The following NOMO3 variants were observed in gnomAD, a reference collection of about 807,000 sequenced individuals.
NOMO3 encodes the protein BOS complex subunit NOMO3.
NOMO3 carries 15 observed loss-of-function variants against 69.9 expected under a neutral mutation model. The ratio of observed to expected loss-of-function variants is 0.21; its 90% confidence interval spans 0.14 to 0.33. The LOEUF (loss-of-function observed/expected upper bound fraction) is 0.33, where lower values mean the gene tolerates loss of function less well. Ranked by LOEUF, NOMO3 falls within the 10% of genes least tolerant of loss-of-function variation. The pLI is 1.00. For missense variants in NOMO3, 218 were observed against 761.0 expected (o/e 0.29, Z 8.39); for synonymous variants, 89 against 301.9 (o/e 0.29, Z 7.31).
At chr16:16,266,304 C>T (rs1313941263) in intron 15 of NOMO3, among the ~76,000 whole-genome samples, 5 of 132,496 alleles carry the variant, frequency 3.8e-5, no homozygotes, top group South Asian at 2.5e-4. Flanking sequence ...GATTAATATC[C>T]GGTTCATAAT....
At chr16:16,237,360 G>A (rs2049335147) in intron 2 of NOMO3, among the ~76,000 whole-genome samples, 1 of 144,326 alleles carries the variant, frequency 6.9e-6, no homozygotes, top group African/African-American at 2.8e-5. Flanking sequence ...CATGGAACCC[G>A]TTACTTGCAA....
Position 16,263,069 on chromosome 16 carries a change from C to T in NOMO3, c.1396-5C>T, listed in dbSNP as rs1322793706. ...GCCTCTAACGTTCCATCCACGTTTC[C>T]GCAGGTGATGGTTCCTGAGGCAGAA... is the stretch of plus-strand genomic sequence containing the variant. On this transcript the variant is annotated splice_polypyrimidine_tract_variant and splice_region_variant and intron_variant, in intron 12 of 30. Transcript: ENST00000399336. 1.4e-5 allele frequency: 23 copies of T among 1,595,172 alleles called. No homozygotes were observed. Among genetic ancestry groups the T allele is most frequent in the African/African-American group, 1.5e-5 (1 of 65,298 alleles).
In NOMO3 at chr16:16,261,603, C is replaced by G; in HGVS notation, c.1322C>G (p.Ser441Cys). 6.3e-7 allele frequency: 1 copy of G among 1,584,122 alleles called. No homozygotes were observed. The highest frequency in any genetic ancestry group is 8.5e-7 in the Non-Finnish European group (1 of 1,174,738). Residue 441 changes from serine (S) to cysteine (C), a missense_variant, in exon 12 of 31, where the codon TCT (serine) becomes TGT (cysteine). Physicochemically the swap from Ser to Cys is moderately radical, Grantham distance 112 (BLOSUM62 -1). Transcript: ENST00000399336. ...CTGTCATCTCAAGACAAGGACAAGT[C>G]TTTGGTCACCGTGGAGACAGATGCT... ...VVLSSQDKDK[S>C]LVTVETDAHG...
At chr16:16,252,981 G>A (rs1241134565) in intron 9 of NOMO3, among the ~76,000 whole-genome samples, 1 of 134,728 alleles carries the variant, frequency 7.4e-6, no homozygotes, top group Non-Finnish European at 1.5e-5. Flanking sequence ...CCACAGGCAC[G>A]TGCCACCATG....
At chr16:16,254,922 G>A (rs1245510824) in intron 9 of NOMO3, among the ~76,000 whole-genome samples, 2 of 143,514 alleles carry the variant, frequency 1.4e-5, no homozygotes, top group African/African-American at 5.8e-5. Flanking sequence ...GGTCTAGGTG[G>A]ATTTCTTTTT....
rs1318035711 is a variant in NOMO3 at position 16,255,646 on chromosome 16, G to A, written c.964-74G>A. 7 of 1,280,494 alleles carry A rather than the reference G, an allele frequency of 5.5e-6. 2 individuals carry two copies. Among genetic ancestry groups the A allele is most frequent in the East Asian group, 5.5e-5 (2 of 36,120 alleles). The allele number at this position is 1,280,494 out of a possible 1,614,324, so 79.3% of individuals were successfully genotyped here. A position where few individuals can be genotyped will look rare whatever the true frequency, so the allele number is the denominator to read the frequency against. On this transcript the variant is annotated intron_variant, in intron 9 of 30. Transcript: ENST00000399336. ...GGAGCAGACATGGTAGGTGGTGGCC[G>A]GCGCAGCAGAAGGAGGCTTTGTGGC...
chr16:16,270,300 A>G, intron 17 of NOMO3, 116 bp downstream of exon 17: 8 of 1,557,090 alleles, frequency 5.1e-6, no homozygotes, highest in Non-Finnish European at 6.9e-6. Flanking sequence ...AGGCAAGGTT[A>G]GGCCTTCAAC....
chr16:16,243,838 T>C (rs992578607), intron 4 of NOMO3, among the ~76,000 whole-genome samples: 1 of 143,412 alleles, frequency 7.0e-6, no homozygotes, highest in Non-Finnish European at 1.5e-5. Flanking sequence ...TTAGCGTTTA[T>C]GTCAGGGATG....
At chr16:16,269,532 G>A (rs1372927040) in intron 16 of NOMO3, among the ~76,000 whole-genome samples, 5 of 139,788 alleles carry the variant, frequency 3.6e-5, no homozygotes, top group Non-Finnish European at 7.4e-5. Flanking sequence ...TGTAGGAAGT[G>A]TGGCCAAAAT....
chr16:16,261,313 CT>C (rs1159179334), intron 11 of NOMO3, 188 bp from the exon 12 acceptor site: 2 of 761,144 alleles, frequency 2.6e-6, no homozygotes, highest in Non-Finnish European at 4.1e-6. Context: ...CTGAAGGTTG[CT>C]TTTTAAAACC....
chr16:16,243,468 A>G (rs2141248868), intron 4 of NOMO3, among the ~76,000 whole-genome samples: 1 of 143,794 alleles, frequency 7.0e-6, no homozygotes, highest in African/African-American at 2.8e-5. Context: ...GTTGCTGGTC[A>G]TCCCCTCTGC....
chr16:16,257,588 G>A lies in NOMO3; in HGVS notation c.1220+1430G>A, dbSNP rs1366970408. On this transcript the variant is annotated intron_variant, in intron 11 of 30. Coordinates refer to ENST00000399336, the MANE Select transcript of NOMO3 (RefSeq NM_001004067.4). The stretch of plus-strand genomic sequence containing the variant: ...GGCAGCCAGGACCTCAAATATGTAT[G>A]TGCAAGTAGAATTAGAAGAACAGTA... Among the ~76,000 whole-genome samples, 55 of 140,830 alleles carry A rather than the reference G, an allele frequency of 3.9e-4. 4 individuals are homozygous for A. The highest frequency in any genetic ancestry group is 2.3e-3 in the Admixed American group (34 of 14,608). The allele number at this position is 140,830 out of a possible 152,430, so 92.4% of individuals were successfully genotyped here. A position where few individuals can be genotyped will look rare whatever the true frequency, so the allele number is the denominator to read the frequency against.
intron 9 of NOMO3, among the ~76,000 whole-genome samples, chr16:16,254,332 C>T (rs1233335042): frequency 7.0e-6 from 1 of 143,198 alleles, no homozygotes; most frequent in Non-Finnish European, 1.5e-5. Flanking sequence ...TAGTGCCTGG[C>T]ACATAGTAGG....
At chr16:16,236,124 T>A (rs2049325007) in intron 1 of NOMO3, 2 of 165,206 alleles carry the variant, frequency 1.2e-5, no homozygotes, top group Non-Finnish European at 2.5e-5. Flanking sequence ...AGTTTCTAGA[T>A]GAATGTTGCT....
At chr16:16,268,267 G>C (rs1412073547) in intron 16 of NOMO3, among the ~76,000 whole-genome samples, 1 of 145,464 alleles carries the variant, frequency 6.9e-6, no homozygotes, top group African/African-American at 2.8e-5. Flanking sequence ...GAATGGAATT[G>C]CTGCATTGTG....
Position 16,263,156 on chromosome 16 carries a change from TG to T in NOMO3, c.1479del (p.Met494TrpfsTer27), listed in dbSNP as rs760858884. On this transcript the variant is annotated frameshift_variant, in exon 13 of 31. Transcript: ENST00000399336. LOFTEE classifies it high-confidence loss of function. ...TFPLTVTDRP[V>X]MDVAFVQFLA... Reference sequence around the variant, plus strand: ...CCTCTTACTGTGACCGACAGGCCTGTGATGGATGTGGCCTTTGTACAGTTCT... The same window carrying T: ...CCTCTTACTGTGACCGACAGGCCTGTATGGATGTGGCCTTTGTACAGTTCT... The T allele has an allele frequency of 8.2e-6, 13 of 1,590,976 alleles. 2 individuals are homozygous for T. The African/African-American group carries it at 2.0e-4, about 25-fold the overall frequency.
intron 1 of NOMO3, among the ~76,000 whole-genome samples, chr16:16,235,507 T>G (rs2049319183): frequency 6.8e-6 from 1 of 148,046 alleles, no homozygotes; most frequent in Admixed American, 6.6e-5. Flanking sequence ...GCTTTTTCCA[T>G]TTTACTTATT....
In NOMO3 at chr16:16,268,753, G is replaced by T. The variant is rs962418055; in HGVS notation, c.1895-1368G>T. 2.2e-3 allele frequency among the ~76,000 whole-genome samples: 310 copies of T among 142,710 alleles called. 11 individuals are homozygous for T. The highest frequency in any genetic ancestry group is 3.3e-3 in the Non-Finnish European group (221 of 67,696). The allele number at this position is 142,710 out of a possible 152,430, so 93.6% of individuals were successfully genotyped here. ...CAGCAGCTGGTAGATGTTAGGGGTGGTGTCTTTGTGATTCTTTAGGCCTTT... is the reference window on the plus strand; with the variant it reads ...CAGCAGCTGGTAGATGTTAGGGGTGTTGTCTTTGTGATTCTTTAGGCCTTT... On this transcript the variant is annotated intron_variant, in intron 16 of 30. Transcript: ENST00000399336.
At chr16:16,255,460 AC>A (rs1371421939) in intron 9 of NOMO3, among the ~76,000 whole-genome samples, 1 of 131,318 alleles carries the variant, frequency 7.6e-6, no homozygotes, top group Non-Finnish European at 1.5e-5. Context: ...TGAGTCAGTG[AC>A]CTTTTAACGA....
Sources: gnomAD v4.1 joint callset for allele counts (sites outside exome capture counted in the v4.1 genomes callset) on GRCh38, gnomAD v4.1.1 for gene constraint, MANE v1.5 for transcripts, NCBI Gene and HGNC (gene_info 2026-07-23, HGNC 2026-07-21) for gene names.